Variants in ABCA7 observed in about 807,000 individuals in gnomAD.
The protein encoded by ABCA7 is ATP binding cassette subfamily A member 7, also known as phospholipid-transporting ATPase ABCA7.
A neutral mutation model predicts 227.6 loss-of-function variants in ABCA7; 261 were observed. That is an observed-to-expected ratio of 1.15 (90% CI 1.04 to 1.27). The LOEUF (loss-of-function observed/expected upper bound fraction) is 1.27, where lower values mean the gene tolerates loss of function less well. Among genes scored for constraint, ABCA7 ranks in the 50% most tolerant of loss-of-function variants. The pLI is 0.00. For missense variants in ABCA7, 3,331 were observed against 2,924.5 expected (o/e 1.14, Z -3.21); for synonymous variants, 1,488 against 1,279.7 (o/e 1.16, Z -3.47).
chr19:1,044,614 C>T lies in ABCA7; in HGVS notation c.1085C>T (p.Pro362Leu), dbSNP rs751398887. Residue 362 changes from proline (P) to leucine (L), a missense_variant, in exon 11 of 47, where the codon CCC becomes CTC. Transcript: ENST00000263094. Reference sequence around the variant, plus strand: ...ATGCAGGATGAAGGAAGAAGGCAGCCCAGACCTGGAGGCCGGGACCACATG... The same window carrying T: ...ATGCAGGATGAAGGAAGAAGGCAGCTCAGACCTGGAGGCCGGGACCACATG... ...LQMQDEGRRQ[P>L]RPGGRDHMEA... 3 of 1,613,072 alleles carry T rather than the reference C, an allele frequency of 1.9e-6. No homozygotes were observed. Among genetic ancestry groups the T allele is most frequent in the South Asian group, 2.2e-5 (2 of 91,084 alleles).
At position 1,055,310 on chromosome 19, in the gene ABCA7, T is replaced by C. The variant is rs984140640; in HGVS notation, c.4164T>C (p.Ser1388=). ...AGAACCTGACAGGCCGGAACCTGTC[T>C]GACTTCCTGGTCAAGACCTACCCGC... is the stretch of plus-strand genomic sequence containing the variant. The part of the protein sequence containing the change: ...VVQNLTGRNL[S]DFLVKTYPRL... The change falls in exon 30 of 47, where the codon TCT becomes TCC. Residue 1388 remains serine (S), a synonymous_variant. Coordinates refer to ENST00000263094, the MANE Select transcript of ABCA7 (RefSeq NM_019112.4). 2.5e-6 allele frequency: 4 copies of C among 1,603,888 alleles called. No individual in the cohort carries two copies. The African/African-American group carries it at 5.3e-5, about 21-fold the overall frequency.
Position 1,046,383 on chromosome 19 carries a change from C to CT in ABCA7, c.1600dup (p.Tyr534LeufsTer230). 6.3e-7 allele frequency: 1 copy of CT among 1,580,600 alleles called. No homozygotes were observed. Among genetic ancestry groups the CT allele is most frequent in the Non-Finnish European group, 8.6e-7 (1 of 1,167,024 alleles). ...CCGGCCTCTACCTGCAGCAGATGCC[C>CT]TATCCGTGCTATGTGGACGACGTGT... On this transcript the variant is annotated frameshift_variant, in exon 13 of 47. Transcript: ENST00000263094. LOFTEE classifies it high-confidence loss of function.
In ABCA7 at chr19:1,058,173, A is replaced by G; in HGVS notation, c.5053A>G (p.Lys1685Glu). ...QKLQEVSRILKQVFLIFPHFC... is the reference protein window; with the variant it reads ...QKLQEVSRILEQVFLIFPHFC... ...GCTGCAGGAGGTGAGCCGGATCTTG[A>G]AACAGGTCTTCCTTATCTTCCCCCA... Residue 1685 changes from lysine (K) to glutamate (E), a missense_variant, in exon 37 of 47, where the codon AAA becomes GAA. Physicochemically the swap from Lys to Glu is moderately conservative, Grantham distance 56. Transcript: ENST00000263094. 1 of 1,613,836 alleles carries G rather than the reference A, an allele frequency of 6.2e-7. No individual in the cohort carries two copies. Among genetic ancestry groups the G allele is most frequent in the Non-Finnish European group, 8.5e-7 (1 of 1,179,962 alleles).
At position 1,051,030 on chromosome 19, in the gene ABCA7, C is replaced by T; in HGVS notation, c.2662C>T (p.Gln888Ter). ...CCGGCCCCACCTGGGCGTCTGTCCT[C>T]AGTACAACGTGCTGTTTGACATGTG... ...AIRPHLGVCP[Q>*]YNVLFDMLTV... The change falls in exon 19 of 47, where the codon CAG becomes TAG. Residue 888 changes from glutamine to a stop codon, truncating the protein, a stop_gained. Transcript: ENST00000263094. LOFTEE classifies it high-confidence loss of function. The T allele has an allele frequency of 6.2e-7, 1 of 1,611,966 alleles. No homozygotes were observed. Among genetic ancestry groups the T allele is most frequent in the South Asian group, 1.1e-5 (1 of 91,006 alleles).
rs1320465206 is a variant in ABCA7 at position 1,046,968 on chromosome 19, C to T, written c.1789C>T (p.Leu597Phe). ...CGCGGTGCTCTGGCTAGGCTGGTTC[C>T]TCAGCTGCCTCGGGCCCTTCCTGCT... ...SRAVLWLGWF[L>F]SCLGPFLLSA... is the part of the protein sequence containing the mutation. The change falls in exon 14 of 47, where the codon CTC becomes TTC. Residue 597 changes from leucine (L) to phenylalanine (F), a missense_variant. Coordinates refer to ENST00000263094, the MANE Select transcript of ABCA7 (RefSeq NM_019112.4). 1 of 1,583,724 alleles carries T rather than the reference C, an allele frequency of 6.3e-7. No homozygotes were observed. Among genetic ancestry groups the T allele is most frequent in the Non-Finnish European group, 8.6e-7 (1 of 1,168,764 alleles).
chr19:1,065,331 C>T lies in ABCA7; in HGVS notation c.6347C>T (p.Ala2116Val). Residue 2116 changes from alanine (A) to valine (V), a missense_variant, in exon 47 of 47, where the codon GCA (alanine) becomes GTA (valine). Physicochemically the swap from Ala to Val is moderately conservative, Grantham distance 64. Transcript: ENST00000263094. ...KDEDTEEQKE[A>V]GVGVDPAPGL... ...GAGGACACCGAAGAGCAGAAGGAGG[C>T]AGGAGTGGGAGTGGACCCCGCGCCA... 1 of 1,613,630 alleles carries T rather than the reference C, an allele frequency of 6.2e-7. No homozygotes were observed. The highest frequency in any genetic ancestry group is 8.5e-7 in the Non-Finnish European group (1 of 1,180,000).
intron 42 of ABCA7, 33 bp from the exon 43 acceptor site, chr19:1,063,511 A>G: frequency 6.2e-7 from 1 of 1,605,092 alleles, no homozygotes; most frequent in Non-Finnish European, 8.5e-7. Flanking sequence ...CATCAATATG[A>G]GTCCCCATGC....
rs1478639284 is a variant in ABCA7 at position 1,059,085 on chromosome 19, G to C, written c.5463G>C (p.Glu1821Asp). 3.7e-6 allele frequency: 6 copies of C among 1,612,574 alleles called. No homozygotes were observed. Among genetic ancestry groups the C allele is most frequent in the Middle Eastern group, 3.6e-4 (2 of 5,560 alleles). ...TGTGCCTGGGGATTCCCCCTGGTGA[G>C]GTGAGTCCAGGGGTGGAGGCCAGGT... ...DRLCLGIPPG[E>D]CFGLLGVNGA... Residue 1821 changes from glutamate to aspartate, a missense_variant and splice_region_variant, in exon 40 of 47, where the codon GAG becomes GAC. Transcript: ENST00000263094.
intron 42 of ABCA7, among the ~76,000 whole-genome samples, chr19:1,063,181 C>A (rs982191917): frequency 7.1e-6 from 1 of 141,836 alleles, no homozygotes; most frequent in Admixed American, 7.0e-5. Context: ...ACACCATGGC[C>A]CCGCCCCATA....
chr19:1,055,073 G>A, intron 29 of ABCA7, 24 bp from the exon 30 acceptor site: 1 of 1,599,672 alleles, frequency 6.3e-7, no homozygotes, highest in Non-Finnish European at 8.5e-7. Context: ...GCGCCCTTGA[G>A]TGTGCACAGC....
intron 1 of ABCA7, 58 bp from the exon 2 acceptor site, chr19:1,041,167 C>T (rs952902834): frequency 6.3e-6 from 4 of 636,454 alleles, no homozygotes; most frequent in African/African-American, 5.5e-5. Context: ...GTTTACTCCA[C>T]CCCTGGGGTA....
chr19:1,049,462 C>A, intron 18 of ABCA7, 25 bp downstream of exon 18: 2 of 1,446,508 alleles, frequency 1.4e-6, no homozygotes, highest in Non-Finnish European at 9.1e-7. Context: ...ACTCCCTCCC[C>A]GTGAGCCCCC....
intron 29 of ABCA7, 91 bp from the exon 30 acceptor site, chr19:1,055,006 G>C: frequency 6.5e-7 from 1 of 1,531,654 alleles, no homozygotes; most frequent in South Asian, 1.3e-5. Context: ...GGGAGCCTCT[G>C]TGGCTCCAGG....
At position 1,055,280 on chromosome 19, in the gene ABCA7, G is replaced by T; in HGVS notation, c.4134G>T (p.Val1378=). The change falls in exon 30 of 47, where the codon GTG becomes GTT. Residue 1378 remains valine (V), a synonymous_variant. Coordinates refer to ENST00000263094, the MANE Select transcript of ABCA7 (RefSeq NM_019112.4). The part of the protein sequence containing the change: ...PPQAVTGSGE[V]VQNLTGRNLS... ...AGGCAGTGACCGGCTCTGGGGAAGTGGTTCAGAACCTGACAGGCCGGAACC... is the reference window on the plus strand; with the variant it reads ...AGGCAGTGACCGGCTCTGGGGAAGTTGTTCAGAACCTGACAGGCCGGAACC... The T allele has an allele frequency of 6.2e-7, 1 of 1,604,742 alleles. No homozygotes were observed. Among genetic ancestry groups the T allele is most frequent in the Non-Finnish European group, 8.5e-7 (1 of 1,176,614 alleles).
At chr19:1,060,506 C>T (rs1214112273) in intron 40 of ABCA7, among the ~76,000 whole-genome samples, 1 of 149,892 alleles carries the variant, frequency 6.7e-6, no homozygotes, top group Non-Finnish European at 1.5e-5. Context: ...CCACCATGCC[C>T]GGCCTTTGTT....
chr19:1,055,413 C>T (rs186063577), intron 30 of ABCA7, 62 bp downstream of exon 30: 97 of 1,473,620 alleles, frequency 6.6e-5, no homozygotes, highest in Non-Finnish European at 9.0e-7. Flanking sequence ...GTTGCTGGGG[C>T]TGGTGTGGTC....
At position 1,054,793 on chromosome 19, in the gene ABCA7, G is replaced by A. The variant is rs1200661530; in HGVS notation, c.3865G>A (p.Gly1289Arg). 1 of 1,597,656 alleles carries A rather than the reference G, an allele frequency of 6.3e-7. No individual in the cohort carries two copies. Among genetic ancestry groups the A allele is most frequent in the Non-Finnish European group, 8.5e-7 (1 of 1,173,058 alleles). The change falls in exon 29 of 47, where the codon GGG becomes AGG. Residue 1289 changes from glycine (G) to arginine (R), a missense_variant. Gly to Arg is a moderately radical substitution (Grantham distance 125, BLOSUM62 -2). Coordinates refer to ENST00000263094, the MANE Select transcript of ABCA7 (RefSeq NM_019112.4). The surrounding 1 kb of genome is among the most constrained non-coding windows in gnomAD (Gnocchi z 4.8). ...CCTCACACACAGTGAGGACGCCCCA[G>A]GGGACCCTGGACGTGCCCGGCTGCT... ...QVSFFSEDAP[G>R]DPGRARLLEA...
chr19:1,065,190 T>G lies in ABCA7; in HGVS notation c.6285+19T>G. ...GGAGGAGGTGATCACGGCGCCGGGG[T>G]CGGGCTGGGGGAGGCAGGCTGGGGG... On this transcript the variant is annotated intron_variant, in intron 46 of 46. Transcript: ENST00000263094. 5.6e-6 allele frequency: 9 copies of G among 1,593,650 alleles called. No individual in the cohort carries two copies. Among genetic ancestry groups the G allele is most frequent in the Non-Finnish European group, 7.7e-6 (9 of 1,167,864 alleles).
chr19:1,061,740 G>C, intron 40 of ABCA7, 42 bp from the exon 41 acceptor site: 1 of 1,564,456 alleles, frequency 6.4e-7, no homozygotes. Context: ...CGGAACCAGG[G>C]CCTGGGGCCT....
Sources: gnomAD v4.1 joint callset for allele counts (sites outside exome capture counted in the v4.1 genomes callset) on GRCh38, gnomAD v4.1.1 for gene constraint, Gnocchi (gnomAD v3.1) non-coding constraint, MANE v1.5 for transcripts, NCBI Gene and HGNC (gene_info 2026-07-23, HGNC 2026-07-21) for gene names.